The following WWOX variants were observed in gnomAD, a reference collection of about 807,000 sequenced individuals.
WWOX encodes WW domain containing oxidoreductase, also known as WW domain-containing oxidoreductase.
WWOX carries 69 observed loss-of-function variants against 46.2 expected under a neutral mutation model. The observed-to-expected ratio is 1.49, with a 90% CI of 1.23 to 1.82. The LOEUF is 1.82. Ranked by LOEUF, WWOX falls within the 40% of genes most tolerant of loss-of-function variation. The pLI is 0.00. For missense variants in WWOX, 919 were observed against 542.6 expected, an observed-to-expected ratio of 1.69 and a Z score of -6.89; for synonymous variants, 359 against 202.6, an observed-to-expected ratio of 1.77 and a Z score of -6.56.
intron 6 of WWOX, among the ~76,000 whole-genome samples, chr16:78,401,187 A>G (rs777613177): frequency 8.5e-5 from 13 of 152,258 alleles, no homozygotes; most frequent in Non-Finnish European, 1.9e-4. Flanking sequence ...GTGTGCAGAA[A>G]TAAAGATTTC....
chr16:78,303,694 G>A (rs537588367), intron 5 of WWOX, among the ~76,000 whole-genome samples: 8 of 152,198 alleles, frequency 5.3e-5, no homozygotes, highest in South Asian at 2.1e-4. Context: ...ACAGGCATGC[G>A]CCACCATGCC....
intron 8 of WWOX, among the ~76,000 whole-genome samples, chr16:79,146,446 G>C (rs2050184533): frequency 6.6e-6 from 1 of 152,120 alleles, no homozygotes; most frequent in Non-Finnish European, 1.5e-5. Context: ...GTCTGTGGCT[G>C]ACCTGGGCAG....
intron 8 of WWOX, among the ~76,000 whole-genome samples, chr16:78,647,378 G>C (rs1441134399): frequency 6.6e-6 from 1 of 152,138 alleles, no homozygotes; most frequent in Non-Finnish European, 1.5e-5. Flanking sequence ...GAGACTGGCT[G>C]CTGGTTCTCA....
intron 8 of WWOX, among the ~76,000 whole-genome samples, chr16:78,446,429 G>T (rs1033776106): frequency 6.6e-6 from 1 of 152,112 alleles, no homozygotes; most frequent in Admixed American, 6.5e-5. Context: ...TCAGGCGGTT[G>T]TTGCAAGGAC....
At chr16:78,605,258 C>A (rs1475689335) in intron 8 of WWOX, among the ~76,000 whole-genome samples, 1 of 151,640 alleles carries the variant, frequency 6.6e-6, no homozygotes, top group Non-Finnish European at 1.5e-5. Context: ...TTAGCGTTGT[C>A]TCTCCAGCCT....
intron 8 of WWOX, among the ~76,000 whole-genome samples, chr16:78,656,404 A>C (rs2047081727): frequency 6.6e-6 from 1 of 152,180 alleles, no homozygotes; most frequent in African/African-American, 2.4e-5. Flanking sequence ...AAGAGGTTTA[A>C]TTGGCTCATG....
At chr16:78,363,150 G>C (rs1037606746) in intron 5 of WWOX, among the ~76,000 whole-genome samples, 3 of 152,060 alleles carry the variant, frequency 2.0e-5, no homozygotes, top group African/African-American at 7.3e-5. Flanking sequence ...ATGTGTTTGT[G>C]TGTGTGTGTG....
chr16:79,182,138 G>C (rs927664577), intron 8 of WWOX, among the ~76,000 whole-genome samples: 4 of 151,512 alleles, frequency 2.6e-5, no homozygotes, highest in South Asian at 2.1e-4. Context: ...ATTACTTCTC[G>C]GTGGCAAGGG....
At chr16:78,647,352 C>T (rs775250754) in intron 8 of WWOX, among the ~76,000 whole-genome samples, 3 of 152,186 alleles carry the variant, frequency 2.0e-5, no homozygotes, top group African/African-American at 4.8e-5. Context: ...CATTGTTTAG[C>T]CCTCCTTCCA....
intron 8 of WWOX, among the ~76,000 whole-genome samples, chr16:78,986,080 G>A (rs866856518): frequency 6.6e-6 from 1 of 152,172 alleles, no homozygotes; most frequent in Non-Finnish European, 1.5e-5. Flanking sequence ...GGAGCGTGTG[G>A]GAATGTCAAG....
intron 5 of WWOX, among the ~76,000 whole-genome samples, chr16:78,333,618 T>C (rs955226348): frequency 2.6e-5 from 4 of 152,150 alleles, no homozygotes; most frequent in African/African-American, 9.7e-5. Context: ...TCTTAATTGA[T>C]GTTAATTGAG....
At chr16:78,472,852 G>T (rs1263488949) in intron 8 of WWOX, among the ~76,000 whole-genome samples, 5 of 142,072 alleles carry the variant, frequency 3.5e-5, no homozygotes, top group Non-Finnish European at 7.6e-5. Context: ...TCATTTCGTT[G>T]TCACAGCGTC....
rs564554317 is a variant in WWOX at position 79,046,790 on chromosome 16, C to G, written c.1057-164818C>G. Among the ~76,000 whole-genome samples, 3 of 152,146 alleles carry G rather than the reference C, an allele frequency of 2.0e-5. No homozygotes were observed. The South Asian group carries it at 6.2e-4, about 32-fold the overall frequency. ...TGTGTGTGGGCAACTTCACCCTGCT[C>G]TCTTTGTCCCCCAGGCCTGCACTAC... is the stretch of plus-strand genomic sequence containing the variant. On this transcript the variant is annotated intron_variant, in intron 8 of 8. Transcript: ENST00000566780.
intron 8 of WWOX, among the ~76,000 whole-genome samples, chr16:78,752,344 G>T (rs528156587): frequency 6.6e-6 from 1 of 152,324 alleles, no homozygotes; most frequent in South Asian, 2.1e-4. Flanking sequence ...CTAGAGTACA[G>T]TGATGCGATC....
At chr16:78,875,373 G>C (rs925898301) in intron 8 of WWOX, among the ~76,000 whole-genome samples, 2 of 152,152 alleles carry the variant, frequency 1.3e-5, no homozygotes, top group African/African-American at 2.4e-5. Context: ...CAGTATATAA[G>C]ACATTTCCAG....
At chr16:78,843,667 AT>A (rs879705561) in intron 8 of WWOX, among the ~76,000 whole-genome samples, 4 of 152,210 alleles carry the variant, frequency 2.6e-5, no homozygotes, top group East Asian at 1.9e-4. Context: ...AAAATAATTC[AT>A]TCCCTCTCCG....
chr16:78,614,461 C>T (rs770226310), intron 8 of WWOX, among the ~76,000 whole-genome samples: 44 of 152,214 alleles, frequency 2.9e-4, no homozygotes, highest in African/African-American at 8.9e-4. Context: ...GGGGTGAGGG[C>T]GGCAGGTCCT....
chr16:78,661,580 G>A lies in WWOX; in HGVS notation c.1056+228828G>A, dbSNP rs902217241. ...GTGTTTCTTATTTTTATCATTTTCC[G>A]TAAAGGTAGGATTGTGTTGACAGCC... On this transcript the variant is annotated intron_variant, in intron 8 of 8. Transcript: ENST00000566780. Among the ~76,000 whole-genome samples, 15 of 148,148 alleles carry A rather than the reference G, an allele frequency of 1.0e-4. No individual in the cohort carries two copies. The East Asian group carries it at 1.4e-3, about 14-fold the overall frequency.
intron 8 of WWOX, among the ~76,000 whole-genome samples, chr16:78,652,408 CAAAAAAAA>C (rs747993811): frequency 0.029 from 3,161 of 107,442 alleles, 123 homozygotes; most frequent in African/African-American, 0.14. Flanking sequence ...GACTCCGTCT[CAAAAAAAA>C]AAAAAAAAAA....
Sources: allele counts gnomAD v4.1 joint callset (sites outside exome capture counted in the v4.1 genomes callset), GRCh38; gene constraint gnomAD v4.1.1; transcripts MANE v1.5; gene names NCBI Gene and HGNC (gene_info 2026-07-23, HGNC 2026-07-21).